Variants in ARHGEF18 observed in about 807,000 individuals in gnomAD.
ARHGEF18 encodes rho guanine nucleotide exchange factor 18.
ARHGEF18 carries 93 observed loss-of-function variants against 155.7 expected under a neutral mutation model. The observed-to-expected ratio is 0.60, with a 90% CI of 0.50 to 0.71. The LOEUF (loss-of-function observed/expected upper bound fraction) is 0.71. ARHGEF18 is among the 30% of genes least tolerant of loss of function. ARHGEF18 has a pLI of 0.00. For missense variants in ARHGEF18, 1,593 were observed against 1,816.1 expected, an observed-to-expected ratio of 0.88 and a Z score of 2.23; for synonymous variants, 742 against 753.1, an observed-to-expected ratio of 0.99 and a Z score of 0.24.
Position 7,470,601 on chromosome 19 carries a change from C to G in ARHGEF18, c.*303C>G, listed in dbSNP as rs890792241. The G allele has an allele frequency of 7.5e-6, 3 of 397,598 alleles. No homozygotes were observed. Among genetic ancestry groups the G allele is most frequent in the Non-Finnish European group, 1.3e-5 (3 of 226,008 alleles). The allele number at this position is 397,598 out of a possible 1,614,324, so 24.6% of individuals were successfully genotyped here. A position where few individuals can be genotyped will look rare whatever the true frequency, so the allele number is the denominator to read the frequency against. The stretch of plus-strand genomic sequence containing the variant: ...GGAGCTGTCTGAAATCATAGCACCC[C>G]ATCCGGGTGGCGGGGAGATCAACTC... On this transcript the variant is annotated 3_prime_UTR_variant, in exon 29 of 29. Coordinates refer to ENST00000668164, the MANE Select transcript of ARHGEF18 (RefSeq NM_001367823.1). The surrounding 1 kb of genome is among the most constrained non-coding windows in gnomAD (Gnocchi z 5.9).
intron 10 of ARHGEF18, among the ~76,000 whole-genome samples, chr19:7,412,266 C>T (rs1380458865): frequency 1.3e-5 from 2 of 151,590 alleles, no homozygotes; most frequent in African/African-American, 2.4e-5. Flanking sequence ...CCGGCCTCCT[C>T]GGCCTCCCAA....
chr19:7,477,421 GC>G, downstream of ARHGEF18: 2 of 1,462,654 alleles, frequency 1.4e-6, no homozygotes, highest in Admixed American at 2.7e-5. Flanking sequence ...CCCTCCGCTT[GC>G]CCCGGGGCAG....
chr19:7,383,488 A>C, intron 10 of ARHGEF18: 1 of 398,102 alleles, frequency 2.5e-6, no homozygotes. Flanking sequence ...TAGGGCTGTC[A>C]TGACAAAGTA....
chr19:7,411,388 C>T (rs1972679477), intron 10 of ARHGEF18, among the ~76,000 whole-genome samples: 1 of 151,228 alleles, frequency 6.6e-6, no homozygotes, highest in African/African-American at 2.4e-5. Context: ...CTCACTGCAA[C>T]CTCCACCTCC....
At chr19:7,425,721 C>T (rs745631175) in intron 10 of ARHGEF18, among the ~76,000 whole-genome samples, 7 of 151,356 alleles carry the variant, frequency 4.6e-5, no homozygotes, top group Admixed American at 2.0e-4. Context: ...TATGAGAGGC[C>T]GGGCACAGTG....
At chr19:7,450,044 A>C (rs189794217) in intron 15 of ARHGEF18, among the ~76,000 whole-genome samples, 565 of 152,132 alleles carry the variant, frequency 3.7e-3, no homozygotes, top group Non-Finnish European at 6.0e-3. Flanking sequence ...GTCTCCTCCA[A>C]AGTGGCAAAG....
chr19:7,413,301 T>C (rs1000137087), intron 10 of ARHGEF18, among the ~76,000 whole-genome samples: 1 of 151,558 alleles, frequency 6.6e-6, no homozygotes, highest in Non-Finnish European at 1.5e-5. Flanking sequence ...AAGCTTTTTT[T>C]TTTTTTTCTT....
chr19:7,360,706 G>T (rs1439122599), intron 1 of ARHGEF18, among the ~76,000 whole-genome samples: 1 of 152,220 alleles, frequency 6.6e-6, no homozygotes, highest in African/African-American at 2.4e-5. Context: ...CTTGGCTGAG[G>T]AATGGGACTG....
intron 1 of ARHGEF18, among the ~76,000 whole-genome samples, chr19:7,355,068 TCACACACACACACACACACACACACA>T (rs60457716): frequency 2.7e-5 from 4 of 146,540 alleles, no homozygotes; most frequent in Admixed American, 1.4e-4. Flanking sequence ...CCAATGGGCT[TCACACACACACACACACACACACACA>T]CACACACACA....
chr19:7,476,043 T>TA (rs1977220339), downstream of ARHGEF18, among the ~76,000 whole-genome samples: 1 of 152,068 alleles, frequency 6.6e-6, no homozygotes, highest in Non-Finnish European at 1.5e-5. Flanking sequence ...ATCTTCCTTG[T>TA]AAAAAACAAA....
chr19:7,464,699 A>C lies in ARHGEF18; in HGVS notation c.2904+9A>C. The C allele has an allele frequency of 6.2e-7, 1 of 1,613,896 alleles. No individual in the cohort carries two copies. The highest frequency in any genetic ancestry group is 8.5e-7 in the Non-Finnish European group (1 of 1,179,946). ...AGGAATCGCCGCAGGTGGTACGTGGATATCCATTTGCTCGGTACAGTCTGA... is the reference window on the plus strand; with the variant it reads ...AGGAATCGCCGCAGGTGGTACGTGGCTATCCATTTGCTCGGTACAGTCTGA... On this transcript the variant is annotated intron_variant, in intron 23 of 28. Coordinates refer to ENST00000668164, the MANE Select transcript of ARHGEF18 (RefSeq NM_001367823.1).
At chr19:7,410,208 T>G (rs1429852283) in intron 10 of ARHGEF18, among the ~76,000 whole-genome samples, 1 of 152,126 alleles carries the variant, frequency 6.6e-6, no homozygotes, top group African/African-American at 2.4e-5. Context: ...TTTTCTGGCA[T>G]TCTGCACACC....
chr19:7,427,065 G>C (rs181966668), intron 10 of ARHGEF18, among the ~76,000 whole-genome samples: 1 of 152,290 alleles, frequency 6.6e-6, no homozygotes, highest in Admixed American at 6.5e-5. Context: ...TAAGCTCGAG[G>C]TGGGGAAAAC....
intron 10 of ARHGEF18, among the ~76,000 whole-genome samples, chr19:7,398,658 T>TGG (rs1434337066): frequency 6.9e-6 from 1 of 145,238 alleles, no homozygotes; most frequent in Non-Finnish European, 1.5e-5. Context: ...GCCATTGCAC[T>TGG]CCAGCCTGGG....
chr19:7,420,373 C>T (rs1366431264), intron 10 of ARHGEF18, among the ~76,000 whole-genome samples: 1 of 152,184 alleles, frequency 6.6e-6, no homozygotes. Flanking sequence ...GTGCCTCAGC[C>T]TCCTGAGTAG....
At chr19:7,411,857 G>A (rs1370892955) in intron 10 of ARHGEF18, among the ~76,000 whole-genome samples, 1 of 152,034 alleles carries the variant, frequency 6.6e-6, no homozygotes, top group African/African-American at 2.4e-5. Context: ...AGTCACATAC[G>A]ATGTATTCTT....
intron 10 of ARHGEF18, among the ~76,000 whole-genome samples, chr19:7,436,067 G>A (rs1434266976): frequency 1.3e-5 from 2 of 152,034 alleles, no homozygotes; most frequent in Non-Finnish European, 2.9e-5. Context: ...CTAACCTGCT[G>A]TCCCTGGTCA....
At chr19:7,414,829 C>A (rs1972903975) in intron 10 of ARHGEF18, among the ~76,000 whole-genome samples, 1 of 148,434 alleles carries the variant, frequency 6.7e-6, no homozygotes, top group Non-Finnish European at 1.5e-5. Context: ...AAAACAAAAA[C>A]AATAAAAATA....
chr19:7,455,162 G>A (rs755425274), intron 17 of ARHGEF18, among the ~76,000 whole-genome samples: 1 of 152,162 alleles, frequency 6.6e-6, no homozygotes, highest in Admixed American at 6.5e-5. Flanking sequence ...TTGAGTAGGC[G>A]TGTATTTCGC....
Sources: allele counts gnomAD v4.1 joint callset (sites outside exome capture counted in the v4.1 genomes callset), GRCh38; gene constraint gnomAD v4.1.1; non-coding constraint Gnocchi (gnomAD v3.1); transcripts MANE v1.5; gene names NCBI Gene and HGNC (gene_info 2026-07-23, HGNC 2026-07-21).